SEMA3A: variants seen among roughly 807,000 people sequenced by gnomAD.
SEMA3A encodes the protein semaphorin 3A.
In SEMA3A, 29 loss-of-function variants were observed where a neutral mutation model predicts 97.9. The ratio of observed to expected loss-of-function variants is 0.30; its 90% CI spans 0.22 to 0.40. SEMA3A has a LOEUF of 0.40. Ranked by LOEUF, SEMA3A falls within the 10% of genes least tolerant of loss-of-function variation. The probability of loss-of-function intolerance (pLI) is 1.00; values close to 1 mark genes in which losing one functional copy is unlikely to be tolerated. For missense variants in SEMA3A, 763 were observed against 951.3 expected (o/e 0.80, Z 2.60); for synonymous variants, 321 against 323.7 (o/e 0.99, Z 0.09).
intron 5 of SEMA3A, among the ~76,000 whole-genome samples, chr7:84,058,492 C>T (rs1793086058): frequency 1.3e-5 from 2 of 152,106 alleles, no homozygotes; most frequent in Non-Finnish European, 2.9e-5. Flanking sequence ...ATTTATAGCA[C>T]AGTTATAAAG....
upstream of SEMA3A, among the ~76,000 whole-genome samples, chr7:84,196,088 C>T (rs1562846460): frequency 6.6e-6 from 1 of 152,018 alleles, no homozygotes; most frequent in Non-Finnish European, 1.5e-5. Context: ...CTCCTTTATT[C>T]CCCAAATGAT....
intron 3 of SEMA3A, among the ~76,000 whole-genome samples, chr7:84,262,110 T>TA (rs1799870667): frequency 6.8e-6 from 1 of 147,522 alleles, no homozygotes; most frequent in Admixed American, 6.8e-5. Flanking sequence ...TTTTTTTTTT[T>TA]ATCATATTAC....
intron 4 of SEMA3A, among the ~76,000 whole-genome samples, chr7:84,069,317 G>A (rs1005958326): frequency 1.3e-5 from 2 of 152,066 alleles, no homozygotes; most frequent in Non-Finnish European, 2.9e-5. Flanking sequence ...AAGCAGATAA[G>A]AAAATCTCAT....
intron 4 of SEMA3A, among the ~76,000 whole-genome samples, chr7:84,098,313 C>G (rs1794840527): frequency 6.6e-6 from 1 of 151,836 alleles, no homozygotes; most frequent in Non-Finnish European, 1.5e-5. Context: ...TGTATTAGTG[C>G]TACAAATCCT....
chr7:84,055,258 T>G (rs1792906681), intron 5 of SEMA3A, among the ~76,000 whole-genome samples: 1 of 152,198 alleles, frequency 6.6e-6, no homozygotes, highest in Non-Finnish European at 1.5e-5. Context: ...GGCTGCTTTG[T>G]TTACCTAATC....
chr7:84,375,516 T>G (rs1243347478), intron 1 of SEMA3A, among the ~76,000 whole-genome samples: 1 of 152,188 alleles, frequency 6.6e-6, no homozygotes, highest in African/African-American at 2.4e-5. Context: ...CAATCCAATG[T>G]GGTAGGTATT....
intron 2 of SEMA3A, among the ~76,000 whole-genome samples, chr7:84,331,761 A>G (rs566209937): frequency 6.6e-6 from 1 of 152,180 alleles, no homozygotes; most frequent in East Asian, 1.9e-4. Context: ...ACAGCTGGCA[A>G]GTAATAAGAG....
At chr7:84,032,262 G>A (rs1012707786) in intron 6 of SEMA3A, among the ~76,000 whole-genome samples, 1 of 152,062 alleles carries the variant, frequency 6.6e-6, no homozygotes, top group Non-Finnish European at 1.5e-5. Context: ...ATAAAATAAT[G>A]AGTTAGGGAC....
At chr7:84,104,926 G>A (rs1326407518) in intron 4 of SEMA3A, among the ~76,000 whole-genome samples, 1 of 152,136 alleles carries the variant, frequency 6.6e-6, no homozygotes, top group African/African-American at 2.4e-5. Flanking sequence ...CATGATTCAA[G>A]TATTGAAAGA....
intron 1 of SEMA3A, among the ~76,000 whole-genome samples, chr7:84,424,432 A>G (rs1263964997): frequency 7.7e-6 from 1 of 129,304 alleles, no homozygotes; most frequent in Non-Finnish European, 1.6e-5. Flanking sequence ...TTATAAATAT[A>G]AATACATAAT....
At chr7:84,008,453 T>G (rs1349619725) in intron 9 of SEMA3A, among the ~76,000 whole-genome samples, 2 of 138,460 alleles carry the variant, frequency 1.4e-5, no homozygotes, top group Non-Finnish European at 1.5e-5. Flanking sequence ...ATCGTGCCAC[T>G]GCACTCCAGC....
In SEMA3A at chr7:84,005,605, CATAATT is replaced by C. The variant is rs781768370; in HGVS notation, c.1141-53_1141-48del. 1.9e-4 allele frequency: 243 copies of C among 1,255,898 alleles called. 1 individual carries two copies. The African/African-American group carries it at 3.1e-3, about 16-fold the overall frequency. The allele number at this position is 1,255,898 out of a possible 1,614,324, so 77.8% of individuals were successfully genotyped here. A position where few individuals can be genotyped will look rare whatever the true frequency, so the allele number is the denominator to read the frequency against. On this transcript the variant is annotated intron_variant, in intron 10 of 16. Transcript: ENST00000265362. ...TATCTTTTGATTAAAATCTAATAAA[CATAATT>C]ATAAATTATATAATAACACATGGCC...
intron 3 of SEMA3A, among the ~76,000 whole-genome samples, chr7:84,281,432 C>G (rs1371086022): frequency 2.0e-5 from 3 of 152,124 alleles, no homozygotes; most frequent in African/African-American, 7.2e-5. Flanking sequence ...GGAAGTTAAT[C>G]AACATGTGGA....
At chr7:84,051,087 G>A (rs1249027947) in intron 5 of SEMA3A, among the ~76,000 whole-genome samples, 1 of 151,150 alleles carries the variant, frequency 6.6e-6, no homozygotes, top group East Asian at 1.9e-4. Flanking sequence ...TTTGGTACCA[G>A]TACCATGCTG....
chr7:84,130,644 AT>A (rs1795935244), intron 2 of SEMA3A, among the ~76,000 whole-genome samples: 1 of 152,120 alleles, frequency 6.6e-6, no homozygotes, highest in Non-Finnish European at 1.5e-5. Context: ...TGACTACTGA[AT>A]TTCTAGAATG....
intron 1 of SEMA3A, among the ~76,000 whole-genome samples, chr7:84,386,955 G>A (rs1336763578): frequency 5.3e-5 from 8 of 151,958 alleles, no homozygotes; most frequent in African/African-American, 1.9e-4. Flanking sequence ...AGCCGAGATC[G>A]CACCACTGCA....
intron 15 of SEMA3A, among the ~76,000 whole-genome samples, chr7:83,970,019 G>A (rs740948): frequency 0.37 from 56,242 of 152,032 alleles, 10,826 homozygotes; most frequent in Middle Eastern, 0.48. Flanking sequence ...TGAAAATTGC[G>A]AGTAGAAAAG....
chr7:84,054,665 C>T (rs1381751926), intron 5 of SEMA3A, among the ~76,000 whole-genome samples: 1 of 139,928 alleles, frequency 7.1e-6, no homozygotes, highest in Non-Finnish European at 1.6e-5. Context: ...TCCCGTAGCT[C>T]AGAGTAATTT....
At chr7:84,313,368 A>G (rs993855816) in intron 2 of SEMA3A, among the ~76,000 whole-genome samples, 878 of 27,608 alleles carry the variant, frequency 0.032, 41 homozygotes, top group African/African-American at 0.061. Flanking sequence ...ATATATATAT[A>G]TATATATATA....
Sources: allele counts gnomAD v4.1 joint callset (sites outside exome capture counted in the v4.1 genomes callset), GRCh38; gene constraint gnomAD v4.1.1; transcripts MANE v1.5; gene names NCBI Gene and HGNC (gene_info 2026-07-23, HGNC 2026-07-21).